PTGFR: variants seen among roughly 807,000 people sequenced by gnomAD.
The protein encoded by PTGFR is prostaglandin F2-alpha receptor.
Under a neutral mutation model 26.2 loss-of-function variants are expected in PTGFR, and 15 were observed. The observed-to-expected ratio is 0.57, with a 90% confidence interval of 0.38 to 0.88. The LOEUF (loss-of-function observed/expected upper bound fraction) is 0.88, where lower values mean the gene tolerates loss of function less well. PTGFR is among the 40% of genes least tolerant of loss of function. The pLI is 0.00. For missense variants in PTGFR, 369 were observed against 427.2 expected, an observed-to-expected ratio of 0.86 and a Z score of 1.20; for synonymous variants, 165 against 151.1, an observed-to-expected ratio of 1.09 and a Z score of -0.68.
Position 78,493,256 on chromosome 1 carries a change from C to T in PTGFR, c.513C>T (p.Ile171=). ...CTGTTTTCATAGCTTTGCTGCCCAT[C>T]CTTGGACATCGAGACTATAAAATTC... ...LFAVFIALLP[I]LGHRDYKIQA... Residue 171 remains isoleucine (I), a synonymous_variant, in exon 2 of 3, where the codon ATC becomes ATT. Coordinates refer to ENST00000370757, the MANE Select transcript of PTGFR (RefSeq NM_000959.4). 10 of 1,614,096 alleles carry T rather than the reference C, an allele frequency of 6.2e-6. No individual in the cohort carries two copies. The highest frequency in any genetic ancestry group is 8.5e-6 in the Non-Finnish European group (10 of 1,179,988).
intron 2 of PTGFR, among the ~76,000 whole-genome samples, chr1:78,528,459 A>G (rs1650429255): frequency 6.6e-6 from 1 of 152,058 alleles, no homozygotes; most frequent in East Asian, 1.9e-4. Context: ...CCAGAAGTAT[A>G]TATGGATTTT....
intron 2 of PTGFR, among the ~76,000 whole-genome samples, chr1:78,501,080 A>C (rs1308662117): frequency 6.6e-6 from 1 of 152,170 alleles, no homozygotes; most frequent in Non-Finnish European, 1.5e-5. Context: ...ACAAAACATT[A>C]CTTGAATGAC....
At position 78,493,044 on chromosome 1, in the gene PTGFR, T is replaced by C; in HGVS notation, c.301T>C (p.Phe101Leu). 6.2e-7 allele frequency: 1 copy of C among 1,614,280 alleles called. No homozygotes were observed. Among genetic ancestry groups the C allele is most frequent in the Non-Finnish European group, 8.5e-7 (1 of 1,180,052 alleles). ...VYASDKEWIRFDQSNVLCSIF... is the reference protein window; with the variant it reads ...VYASDKEWIRLDQSNVLCSIF... ...TGCTTCTGATAAAGAATGGATCCGC[T>C]TTGACCAATCAAATGTCCTTTGCAG... The change falls in exon 2 of 3, where the codon TTT becomes CTT. Residue 101 changes from phenylalanine to leucine, a missense_variant. Physicochemically the swap from Phe to Leu is conservative, Grantham distance 22. Transcript: ENST00000370757.
At chr1:78,526,525 T>C (rs1650377952) in intron 2 of PTGFR, among the ~76,000 whole-genome samples, 1 of 152,088 alleles carries the variant, frequency 6.6e-6, no homozygotes, top group African/African-American at 2.4e-5. Context: ...TAAATCTTCC[T>C]GAACCTGGAC....
At chr1:78,534,723 C>CAATCAATACA (rs1650604864) in intron 2 of PTGFR, among the ~76,000 whole-genome samples, 1 of 151,726 alleles carries the variant, frequency 6.6e-6, no homozygotes, top group South Asian at 2.1e-4. Context: ...TGGAATCACA[C>CAATCAATACA]AATCAATACA....
rs1318430976 is a variant in PTGFR at position 78,536,729 on chromosome 1, A to C, written c.*42A>C. 3.3e-5 allele frequency: 51 copies of C among 1,558,264 alleles called. No homozygotes were observed. Among genetic ancestry groups the C allele is most frequent in the Non-Finnish European group, 4.2e-5 (49 of 1,155,122 alleles). On this transcript the variant is annotated 3_prime_UTR_variant, in exon 3 of 3. Coordinates refer to ENST00000370757, the MANE Select transcript of PTGFR (RefSeq NM_000959.4). ...ATCTGTGTGGGGCTAGAACAAAATT[A>C]AGACATGTTTGGCAATATTTCAGTT...
chr1:78,508,452 C>A (rs1242391161), intron 2 of PTGFR, among the ~76,000 whole-genome samples: 1 of 152,178 alleles, frequency 6.6e-6, no homozygotes, highest in Non-Finnish European at 1.5e-5. Flanking sequence ...TCTTTTGAAT[C>A]ATCATGCCCT....
At chr1:78,518,180 C>T (rs1650137560) in intron 2 of PTGFR, among the ~76,000 whole-genome samples, 1 of 151,920 alleles carries the variant, frequency 6.6e-6, no homozygotes, top group African/African-American at 2.4e-5. Context: ...GCTTAAAACA[C>T]AATTATGTTT....
At position 78,536,452 on chromosome 1, in the gene PTGFR, C is replaced by A. The variant is rs1650655677; in HGVS notation, c.845C>A (p.Thr282Asn). 2 of 1,613,082 alleles carry A rather than the reference C, an allele frequency of 1.2e-6. No individual in the cohort carries two copies. Among genetic ancestry groups the A allele is most frequent in the African/African-American group, 2.7e-5 (2 of 74,976 alleles). ...ATAAATGGAAATCATTCTCTGGAAA[C>A]CTGTGAAACAACACTTTTTGCTCTC... ...IGINGNHSLE[T>N]CETTLFALRM... Residue 282 changes from threonine (T) to asparagine (N), a missense_variant, in exon 3 of 3, where the codon ACC (threonine) becomes AAC (asparagine). Transcript: ENST00000370757.
intron 2 of PTGFR, among the ~76,000 whole-genome samples, chr1:78,523,143 A>G (rs1431364335): frequency 6.6e-6 from 1 of 152,028 alleles, no homozygotes; most frequent in Non-Finnish European, 1.5e-5. Context: ...GATTGCTTAC[A>G]TATTTTTTCA....
rs772707457 is a variant in PTGFR at position 78,540,195 on chromosome 1, A to T, written c.*3508A>T. Among the ~76,000 whole-genome samples the T allele has an allele frequency of 6.6e-6, 1 of 152,080 alleles. No individual in the cohort carries two copies. Among genetic ancestry groups the T allele is most frequent in the Non-Finnish European group, 1.5e-5 (1 of 67,992 alleles). On this transcript the variant is annotated 3_prime_UTR_variant, in exon 3 of 3. Transcript: ENST00000370757. ...CTCAAACTACAGAGCATGGTGAATC[A>T]CACACAGGCTGTTAGAATATCCATC...
In PTGFR at chr1:78,526,750, T is replaced by C. The variant is rs528407805; in HGVS notation, c.799-9656T>C. 4.9e-4 allele frequency among the ~76,000 whole-genome samples: 74 copies of C among 152,098 alleles called. 1 individual carries two copies. The highest frequency in any genetic ancestry group is 2.6e-3 in the Admixed American group (40 of 15,260). On this transcript the variant is annotated intron_variant, in intron 2 of 2. Coordinates refer to ENST00000370757, the MANE Select transcript of PTGFR (RefSeq NM_000959.4). ...TCAAGACAGACACTGACCTGTATTG[T>C]GAATGAGGTGCCTTGGTGAAGCAAA...
At chr1:78,518,604 ACACAC>A (rs2100381521) in intron 2 of PTGFR, among the ~76,000 whole-genome samples, 1 of 130,468 alleles carries the variant, frequency 7.7e-6, no homozygotes, top group Admixed American at 8.2e-5. Flanking sequence ...ACACACACAC[ACACAC>A]ACACACACAC....
chr1:78,499,239 C>T (rs1198951706), intron 2 of PTGFR, among the ~76,000 whole-genome samples: 1 of 152,228 alleles, frequency 6.6e-6, no homozygotes, highest in Non-Finnish European at 1.5e-5. Context: ...AATATCCCCT[C>T]CTCTATCTGG....
chr1:78,539,740 G>T lies in PTGFR; in HGVS notation c.*3053G>T, dbSNP rs1650749602. On this transcript the variant is annotated 3_prime_UTR_variant, in exon 3 of 3. Transcript: ENST00000370757. ...AACAAGTAATTTTATAATAAAGTTGGACTAATGTTTTTCAAGAGTGATTAT... is the reference window on the plus strand; with the variant it reads ...AACAAGTAATTTTATAATAAAGTTGTACTAATGTTTTTCAAGAGTGATTAT... 1 of 152,450 alleles carries T rather than the reference G, an allele frequency of 6.6e-6. No homozygotes were observed. Among genetic ancestry groups the T allele is most frequent in the African/African-American group, 2.4e-5 (1 of 41,402 alleles). 9.4% of individuals were successfully genotyped at this position (152,450 alleles called of 1,614,324 possible).
At chr1:78,514,835 C>T (rs572462203) in intron 2 of PTGFR, among the ~76,000 whole-genome samples, 27 of 151,986 alleles carry the variant, frequency 1.8e-4, no homozygotes, top group South Asian at 1.2e-3. Context: ...ATAAGATATC[C>T]GGTTGTTTAA....
chr1:78,511,400 T>C (rs1649966901), intron 2 of PTGFR, among the ~76,000 whole-genome samples: 1 of 152,208 alleles, frequency 6.6e-6, no homozygotes, highest in Non-Finnish European at 1.5e-5. Flanking sequence ...ATGTGGAAAA[T>C]GCCAAGGCTT....
At chr1:78,531,206 G>A (rs1188463378) in intron 2 of PTGFR, among the ~76,000 whole-genome samples, 1 of 152,148 alleles carries the variant, frequency 6.6e-6, no homozygotes, top group Non-Finnish European at 1.5e-5. Context: ...TAGTCAGTGA[G>A]TTTGATTTAA....
chr1:78,512,205 T>C (rs1177215758), intron 2 of PTGFR, among the ~76,000 whole-genome samples: 1 of 152,238 alleles, frequency 6.6e-6, no homozygotes, highest in Non-Finnish European at 1.5e-5. Flanking sequence ...GGTTCACAGT[T>C]CCAAAGCTGC....
Sources: gnomAD v4.1 joint callset for allele counts (sites outside exome capture counted in the v4.1 genomes callset) on GRCh38, gnomAD v4.1.1 for gene constraint, MANE v1.5 for transcripts, NCBI Gene and HGNC (gene_info 2026-07-23, HGNC 2026-07-21) for gene names.